Variants in SLC35F2 observed in about 807,000 individuals in gnomAD.
SLC35F2 encodes queuine/queuosine transporter SLC35F2.
SLC35F2 carries 25 observed loss-of-function variants against 38.1 expected under a neutral mutation model. The ratio of observed to expected loss-of-function variants is 0.66; its 90% confidence interval spans 0.48 to 0.92. The LOEUF (loss-of-function observed/expected upper bound fraction) is 0.92, where lower values mean the gene tolerates loss of function less well. SLC35F2 is among the 40% of genes least tolerant of loss of function. The probability of loss-of-function intolerance (pLI) is 0.00; values close to 1 mark genes in which losing one functional copy is unlikely to be tolerated. For missense variants in SLC35F2, 409 were observed against 452.9 expected (o/e 0.90, Z 0.88); for synonymous variants, 173 against 181.7 (o/e 0.95, Z 0.38).
intron 1 of SLC35F2, among the ~76,000 whole-genome samples, chr11:107,836,133 TATTATTTC>T (rs762529531): frequency 6.6e-6 from 1 of 152,242 alleles, no homozygotes; most frequent in Non-Finnish European, 1.5e-5. Flanking sequence ...ATTATTGGTT[TATTATTTC>T]AAACACTGAG....
At chr11:107,795,243 G>T (rs1437718319) in intron 7 of SLC35F2, among the ~76,000 whole-genome samples, 1 of 152,040 alleles carries the variant, frequency 6.6e-6, no homozygotes, top group Non-Finnish European at 1.5e-5. Flanking sequence ...AAGCAATGCT[G>T]GGCAACCAAA....
At chr11:107,816,267 C>CGTGTGTGTGT (rs72313181) in intron 1 of SLC35F2, 23 of 953,826 alleles carry the variant, frequency 2.4e-5, no homozygotes, top group African/African-American at 1.2e-4. Flanking sequence ...AAAGTGCGCA[C>CGTGTGTGTGT]GTGTGTGTGT....
chr11:107,817,224 C>G (rs980608364), intron 1 of SLC35F2, among the ~76,000 whole-genome samples: 1 of 151,104 alleles, frequency 6.6e-6, no homozygotes, highest in South Asian at 2.1e-4. Flanking sequence ...TGCAGTGAGC[C>G]GAGACTGTAC....
chr11:107,805,614 C>T (rs1859378499), intron 4 of SLC35F2, 99 bp from the exon 5 acceptor site: 2 of 1,474,254 alleles, frequency 1.4e-6, no homozygotes, highest in Admixed American at 2.7e-5. Context: ...ATTTAAATGA[C>T]ACTAAAGAAG....
At chr11:107,801,331 A>C (rs12574687) in intron 7 of SLC35F2, among the ~76,000 whole-genome samples, 22,869 of 152,200 alleles carry the variant, frequency 0.15, 2,768 homozygotes, top group East Asian at 0.42. Flanking sequence ...CAGAAGGAAG[A>C]AGCAGATGTG....
At chr11:107,797,293 CAGTA>C (rs1859234496) in intron 7 of SLC35F2, among the ~76,000 whole-genome samples, 3 of 151,372 alleles carry the variant, frequency 2.0e-5, no homozygotes, top group African/African-American at 4.9e-5. Context: ...CAGCAAAAAA[CAGTA>C]AGAAAACAGA....
At chr11:107,840,958 T>C (rs1374489321) in intron 1 of SLC35F2, among the ~76,000 whole-genome samples, 1 of 152,092 alleles carries the variant, frequency 6.6e-6, no homozygotes, top group Non-Finnish European at 1.5e-5. Flanking sequence ...CTATGAGTCA[T>C]GTCATCCCTT....
In SLC35F2 at chr11:107,792,725, T is replaced by C. The variant is rs1859152851; in HGVS notation, c.1015A>G (p.Thr339Ala). 1 of 1,613,794 alleles carries C rather than the reference T, an allele frequency of 6.2e-7. No homozygotes were observed. The highest frequency in any genetic ancestry group is 8.5e-7 in the Non-Finnish European group (1 of 1,179,912). Residue 339 changes from threonine (T) to alanine (A), a missense_variant, in exon 8 of 8, where the codon ACG becomes GCG. Coordinates refer to ENST00000525815, the MANE Select transcript of SLC35F2 (RefSeq NM_017515.5). ...FILYCSTPTR[T>A]AEPAESSVPP... is the part of the protein sequence containing the mutation. The stretch of plus-strand genomic sequence containing the variant: ...ACGCTGCTTTCAGCCGGCTCGGCCG[T>C]GCGAGTAGGGGTGGAGCAGTACAGG...
chr11:107,834,704 C>A (rs1259463514), intron 1 of SLC35F2, among the ~76,000 whole-genome samples: 1 of 152,026 alleles, frequency 6.6e-6, no homozygotes, highest in Non-Finnish European at 1.5e-5. Context: ...TTTCCACAGC[C>A]GTAAAAATAC....
rs1004725824 is a variant in SLC35F2, at chr11:107,792,208, G to A, written c.*407C>T. 25 of 145,760 alleles carry A rather than the reference G, an allele frequency of 1.7e-4. No individual in the cohort carries two copies. The highest frequency in any genetic ancestry group is 6.0e-4 in the African/African-American group (23 of 38,182). The allele number at this position is 145,760 out of a possible 1,614,324, so 9.0% of individuals were successfully genotyped here. ...CCTTGAAGCATCTGACAGAGGAAAC[G>A]TACTCCAGAGCCACCGTGAGCTGCC... On this transcript the variant is annotated 3_prime_UTR_variant, in exon 8 of 8. Transcript: ENST00000525815.
In SLC35F2 at chr11:107,806,775, C is replaced by G. The variant is rs750749897; in HGVS notation, c.516G>C (p.Leu172=). Residue 172 remains leucine (L), a synonymous_variant, in exon 4 of 8, where the codon CTG becomes CTC. Transcript: ENST00000525815. ...CACCAACCATGGTTCCTACACCCAACAGACAGACAGCCACGGCGATGAAGT... is the reference window on the plus strand; with the variant it reads ...CACCAACCATGGTTCCTACACCCAAGAGACAGACAGCCACGGCGATGAAGT... ...VIHFIAVAVC[L]LGVGTMVGAD... is the part of the protein sequence containing the mutation. 1.2e-6 allele frequency: 2 copies of G among 1,613,940 alleles called. No homozygotes were observed. Among genetic ancestry groups the G allele is most frequent in the East Asian group, 4.5e-5 (2 of 44,892 alleles).
At chr11:107,829,217 G>A (rs748794932) in intron 1 of SLC35F2, among the ~76,000 whole-genome samples, 9 of 151,740 alleles carry the variant, frequency 5.9e-5, no homozygotes, top group South Asian at 2.1e-4. Context: ...TCAGGAGTTC[G>A]AGACCAGCCT....
At chr11:107,822,808 T>G (rs1289031128) in intron 1 of SLC35F2, among the ~76,000 whole-genome samples, 1 of 151,916 alleles carries the variant, frequency 6.6e-6, no homozygotes. Context: ...GAAGGAAAGC[T>G]CAAGATGTCC....
At chr11:107,843,161 C>G (rs559306834) in intron 1 of SLC35F2, among the ~76,000 whole-genome samples, 3 of 152,142 alleles carry the variant, frequency 2.0e-5, no homozygotes, top group South Asian at 2.1e-4. Flanking sequence ...AAAATGAGAG[C>G]AAAGGAAGAG....
intron 1 of SLC35F2, chr11:107,823,301 T>A: frequency 6.8e-6 from 5 of 731,502 alleles, no homozygotes; most frequent in Non-Finnish European, 8.4e-6. Context: ...TAAGATGCAT[T>A]ATTTGAATGC....
chr11:107,836,205 T>C (rs540941719), intron 1 of SLC35F2, among the ~76,000 whole-genome samples: 3 of 146,318 alleles, frequency 2.1e-5, no homozygotes, highest in African/African-American at 7.9e-5. Context: ...TGACATTTTA[T>C]GAATTATCAC....
At chr11:107,794,712 G>A (rs1386813840) in intron 7 of SLC35F2, among the ~76,000 whole-genome samples, 1 of 152,044 alleles carries the variant, frequency 6.6e-6, no homozygotes, top group African/African-American at 2.4e-5. Flanking sequence ...AGAGCAATTA[G>A]GCAAGAAAAA....
At chr11:107,822,400 A>C (rs1284345813) in intron 1 of SLC35F2, among the ~76,000 whole-genome samples, 1 of 152,198 alleles carries the variant, frequency 6.6e-6, no homozygotes, top group Admixed American at 6.5e-5. Flanking sequence ...TTACATCTTC[A>C]GTCAGTAAGC....
intron 7 of SLC35F2, among the ~76,000 whole-genome samples, chr11:107,793,450 G>C (rs1859165289): frequency 6.6e-6 from 1 of 152,154 alleles, no homozygotes; most frequent in Admixed American, 6.5e-5. Flanking sequence ...GGATACCACA[G>C]AGAGCCCCAT....
Sources: gnomAD v4.1 joint callset for allele counts (sites outside exome capture counted in the v4.1 genomes callset) on GRCh38, gnomAD v4.1.1 for gene constraint, MANE v1.5 for transcripts, NCBI Gene and HGNC (gene_info 2026-07-23, HGNC 2026-07-21) for gene names.